Variants in GPHN observed in about 807,000 individuals in gnomAD.
GPHN encodes gephyrin.
A neutral mutation model predicts 95.5 loss-of-function variants in GPHN; 17 were observed. The observed-to-expected ratio is 0.18, with a 90% CI of 0.12 to 0.27. The LOEUF is 0.27. Among genes scored for constraint, GPHN ranks in the 10% least tolerant of loss-of-function variants. The pLI is 1.00. For synonymous variants in GPHN, 320 were observed against 322.5 expected (o/e 0.99, Z 0.08); for missense variants, 660 against 978.1 (o/e 0.67, Z 4.34).
the GPHN span, chr14:67,352,973 AT>A: frequency 6.2e-7 from 1 of 1,613,994 alleles, no homozygotes; most frequent in Non-Finnish European, 8.5e-7. Context: ...AAGGCATCAG[AT>A]TTTTTCTTCA....
the GPHN span, among the ~76,000 whole-genome samples, chr14:67,513,551 G>T: frequency 6.6e-6 from 1 of 152,322 alleles, no homozygotes; most frequent in Non-Finnish European, 1.5e-5. Context: ...CCAGTTGCCT[G>T]TATCTGTCTC....
chr14:67,189,112 T>G, the GPHN span, among the ~76,000 whole-genome samples: 1 of 152,184 alleles, frequency 6.6e-6, no homozygotes, highest in Non-Finnish European at 1.5e-5. Context: ...ATAGGGAAAG[T>G]GAATAATAAA....
chr14:67,360,971 T>G, the GPHN span, among the ~76,000 whole-genome samples: 1 of 152,102 alleles, frequency 6.6e-6, no homozygotes, highest in African/African-American at 2.4e-5. Context: ...GTCCGAGTAG[T>G]TTTTCATCTG....
At chr14:67,366,371 C>A in the GPHN span, among the ~76,000 whole-genome samples, 17 of 152,280 alleles carry the variant, frequency 1.1e-4, no homozygotes, top group African/African-American at 3.9e-4. Context: ...TGTGCTCAGC[C>A]TTCTTTTTCT....
the GPHN span, among the ~76,000 whole-genome samples, chr14:67,602,369 A>G: frequency 1.3e-5 from 2 of 152,232 alleles, no homozygotes; most frequent in Non-Finnish European, 2.9e-5. Flanking sequence ...TCCCCTAACA[A>G]GTGGAGATTA....
chr14:67,562,110 A>T, the GPHN span: 2 of 1,611,418 alleles, frequency 1.2e-6, no homozygotes, highest in African/African-American at 1.3e-5. Context: ...GGAGCTCTCA[A>T]TGTGACTGTT....
chr14:67,631,530 G>A, the GPHN span, among the ~76,000 whole-genome samples: 1 of 147,568 alleles, frequency 6.8e-6, no homozygotes, highest in Admixed American at 6.9e-5. Flanking sequence ...CCACCTCCCA[G>A]GTTCAAACGA....
chr14:67,363,758 A>T, the GPHN span, among the ~76,000 whole-genome samples: 9 of 152,218 alleles, frequency 5.9e-5, no homozygotes. Context: ...CTGAGAAGAT[A>T]TAGGCAGGTG....
At chr14:67,406,843 C>T in the GPHN span, among the ~76,000 whole-genome samples, 1 of 152,250 alleles carries the variant, frequency 6.6e-6, no homozygotes, top group Admixed American at 6.5e-5. Flanking sequence ...AGTCACAGGC[C>T]GATAACACAA....
chr14:67,732,021 G>A, the GPHN span, among the ~76,000 whole-genome samples: 95 of 151,652 alleles, frequency 6.3e-4, no homozygotes, highest in Non-Finnish European at 1.3e-3. Flanking sequence ...CAGCCACTCA[G>A]GAGGCTGAGG....
chr14:67,388,139 G>T, the GPHN span: 1 of 853,028 alleles, frequency 1.2e-6, no homozygotes, highest in Non-Finnish European at 2.0e-6. Context: ...GGCTCCCAAA[G>T]CTGTCATTTC....
chr14:66,589,770 A>C (rs2061565593), intron 1 of GPHN, among the ~76,000 whole-genome samples: 1 of 152,152 alleles, frequency 6.6e-6, no homozygotes. Flanking sequence ...TAGACAGCTC[A>C]ATGAGACAGA....
chr14:67,658,491 G>A, the GPHN span, among the ~76,000 whole-genome samples: 1 of 152,164 alleles, frequency 6.6e-6, no homozygotes, highest in African/African-American at 2.4e-5. Context: ...CAGCTACTTG[G>A]GAGGCTGAGG....
chr14:67,089,723 G>A (rs747638230), intron 12 of GPHN, among the ~76,000 whole-genome samples: 40 of 152,062 alleles, frequency 2.6e-4, no homozygotes, highest in Non-Finnish European at 2.5e-4. Context: ...CATGAAAAGC[G>A]GACATGAGGG....
At chr14:67,068,970 A>C (rs2076175114) in intron 11 of GPHN, among the ~76,000 whole-genome samples, 1 of 152,034 alleles carries the variant, frequency 6.6e-6, no homozygotes, top group South Asian at 2.1e-4. Context: ...CTGGGAGTTC[A>C]TTAACTCTTC....
the GPHN span, among the ~76,000 whole-genome samples, chr14:67,694,391 G>A: frequency 3.3e-5 from 5 of 150,276 alleles, no homozygotes; most frequent in South Asian, 2.1e-4. Flanking sequence ...GCTCTGGCCC[G>A]ACTCCCATAA....
the GPHN span, among the ~76,000 whole-genome samples, chr14:67,218,648 GT>G: frequency 6.6e-6 from 1 of 152,254 alleles, no homozygotes; most frequent in Non-Finnish European, 1.5e-5. Context: ...TGGGTGCAGG[GT>G]CATTGGGCAG....
At chr14:66,887,507 G>A (rs1181221774) in intron 5 of GPHN, among the ~76,000 whole-genome samples, 4 of 152,098 alleles carry the variant, frequency 2.6e-5, no homozygotes, top group African/African-American at 7.2e-5. Flanking sequence ...CCTAGGAGGT[G>A]GAGGTTGCAG....
At chr14:67,217,254 C>T in the GPHN span, among the ~76,000 whole-genome samples, 2 of 151,874 alleles carry the variant, frequency 1.3e-5, no homozygotes, top group African/African-American at 4.8e-5. Context: ...CCATTTGCAT[C>T]GAATATCTTG....
Sources: allele counts gnomAD v4.1 joint callset (sites outside exome capture counted in the v4.1 genomes callset), GRCh38; gene constraint gnomAD v4.1.1; transcripts MANE v1.5; gene names NCBI Gene and HGNC (gene_info 2026-07-23, HGNC 2026-07-21).